GPT: variants seen among roughly 807,000 people sequenced by gnomAD.
The protein encoded by GPT is glutamic--pyruvic transaminase.
Under a neutral mutation model 51.4 loss-of-function variants are expected in GPT, and 60 were observed. The ratio of observed to expected loss-of-function variants is 1.17; its 90% confidence interval spans 0.95 to 1.45. The LOEUF (loss-of-function observed/expected upper bound fraction) is 1.45. Among genes scored for constraint, GPT ranks in the 40% most tolerant of loss-of-function variants. GPT has a pLI of 0.00. For missense variants in GPT, 853 were observed against 704.0 expected (o/e 1.21, Z -2.40); for synonymous variants, 397 against 303.1 (o/e 1.31, Z -3.22).
chr8:144,503,300 A>G (rs1312941626), upstream of GPT, among the ~76,000 whole-genome samples: 1 of 152,148 alleles, frequency 6.6e-6, no homozygotes, highest in Non-Finnish European at 1.5e-5. Flanking sequence ...GGGGTGGGCC[A>G]GCGTGGAGCC....
rs759416969 is a variant in GPT at position 144,505,965 on chromosome 8, C to T, written c.820-30C>T. 4.3e-6 allele frequency: 7 copies of T among 1,612,112 alleles called. No homozygotes were observed. In the South Asian group the frequency reaches 6.6e-5, roughly 15 times the overall value. ...GGGGAGCGGGAAGCCGGGCAACAGT[C>T]CGCCCCCGTGACGCCTTGCGCCCTT... On this transcript the variant is annotated intron_variant, in intron 6 of 10. Transcript: ENST00000394955.
At position 144,504,820 on chromosome 8, in the gene GPT, C is replaced by T. The variant is rs1298583628; in HGVS notation, c.302C>T (p.Pro101Leu). The T allele has an allele frequency of 3.1e-6, 5 of 1,613,620 alleles. No homozygotes were observed. Among genetic ancestry groups the T allele is most frequent in the East Asian group, 2.2e-5 (1 of 44,904 alleles). Reference protein sequence around the residue: ...NPDLLSSPNFPDDAKKRAERI... With the variant: ...NPDLLSSPNFLDDAKKRAERI... ...GATCTTCTGAGCAGCCCCAACTTCC[C>T]TGACGATGCCAAGAAAAGGGCGGAG... The change falls in exon 3 of 11, where the codon CCT becomes CTT. Residue 101 changes from proline (P) to leucine (L), a missense_variant. Physicochemically the swap from Pro to Leu is moderately conservative, Grantham distance 98. Coordinates refer to ENST00000394955, the MANE Select transcript of GPT (RefSeq NM_005309.3).
rs770272781 is a variant in GPT, at chr8:144,505,888, C to T, written c.780C>T (p.Arg260=). The T allele has an allele frequency of 1.3e-6, 2 of 1,584,360 alleles. No individual in the cohort carries two copies. The highest frequency in any genetic ancestry group is 2.3e-5 in the East Asian group (1 of 43,282). ...GCGAGTGCATCGAGGCCGTGATCCG[C>T]TTCGCCTTCGAAGAGCGGCTCTTTC... ...QTRECIEAVI[R]FAFEERLFLL... The change falls in exon 6 of 11, where the codon CGC becomes CGT. Residue 260 remains arginine, a synonymous_variant. Coordinates refer to ENST00000394955, the MANE Select transcript of GPT (RefSeq NM_005309.3).
chr8:144,503,848 C>T, upstream of GPT: 1 of 203,490 alleles, frequency 4.9e-6, no homozygotes. Context: ...CTCTGCCAGC[C>T]CCTCAGGGCT....
chr8:144,504,793 C>T lies in GPT; in HGVS notation c.275C>T (p.Pro92Leu). Residue 92 changes from proline to leucine, a missense_variant, in exon 3 of 11, where the codon CCT becomes CTT. Coordinates refer to ENST00000394955, the MANE Select transcript of GPT (RefSeq NM_005309.3). Reference protein sequence around the residue: ...LRQVLALCVNPDLLSSPNFPD... With the variant: ...LRQVLALCVNLDLLSSPNFPD... ...CAGGTCTTGGCCCTCTGTGTTAACC[C>T]TGATCTTCTGAGCAGCCCCAACTTC... 6.2e-7 allele frequency: 1 copy of T among 1,613,726 alleles called. No individual in the cohort carries two copies. Among genetic ancestry groups the T allele is most frequent in the Non-Finnish European group, 8.5e-7 (1 of 1,180,008 alleles).
upstream of GPT, chr8:144,503,944 A>C: frequency 2.8e-6 from 1 of 351,608 alleles, no homozygotes; most frequent in Non-Finnish European, 5.5e-6. Flanking sequence ...AGCTGTCCGG[A>C]CTGACGTCTG....
Position 144,505,226 on chromosome 8 carries a change from C to A in GPT, c.496-20C>A. 1 of 1,610,620 alleles carries A rather than the reference C, an allele frequency of 6.2e-7. No individual in the cohort carries two copies. Among genetic ancestry groups the A allele is most frequent in the Non-Finnish European group, 8.5e-7 (1 of 1,179,020 alleles). On this transcript the variant is annotated intron_variant, in intron 4 of 10. Coordinates refer to ENST00000394955, the MANE Select transcript of GPT (RefSeq NM_005309.3). ...CGGCCCCAGGCCTCGCCAACCCTGC[C>A]TTCCCCTTCCTTTCCGCAGACGGTG...
rs1398588614 is a variant in GPT, at chr8:144,505,415, A to T, written c.665A>T (p.His222Leu). 6.3e-7 allele frequency: 1 copy of T among 1,597,914 alleles called. No homozygotes were observed. The highest frequency in any genetic ancestry group is 1.3e-5 in the African/African-American group (1 of 74,734). The change falls in exon 5 of 11, where the codon CAC becomes CTC. Residue 222 changes from histidine (H) to leucine (L), a missense_variant. His to Leu is a moderately conservative substitution (Grantham distance 99). Coordinates refer to ENST00000394955, the MANE Select transcript of GPT (RefSeq NM_005309.3). ...TGGGCGCTGGACGTGGCCGAGCTTC[A>T]CCGTGCACTGGGCCAGGCGCGTGAC... ...RAWALDVAEL[H>L]RALGQARDHC...
Position 144,505,125 on chromosome 8 carries a change from C to G in GPT, c.489C>G (p.Ala163=), listed in dbSNP as rs769394527. 24 of 1,612,908 alleles carry G rather than the reference C, an allele frequency of 1.5e-5. No homozygotes were observed. Among genetic ancestry groups the G allele is most frequent in the Non-Finnish European group, 1.7e-5 (20 of 1,180,022 alleles). ...NVFLSTGASD[A]IVTVLKLLVA... is the part of the protein sequence containing the mutation. The stretch of plus-strand genomic sequence containing the variant: ...TCCTGTCCACAGGGGCCAGCGATGC[C>G]ATCGTGGTAGGCTGGGCATGGGCAC... Residue 163 remains alanine (A), a synonymous_variant, in exon 4 of 11, where the codon GCC becomes GCG. Coordinates refer to ENST00000394955, the MANE Select transcript of GPT (RefSeq NM_005309.3).
chr8:144,503,999 A>G, upstream of GPT: 1 of 475,602 alleles, frequency 2.1e-6, no homozygotes. Context: ...TCGTGGGGAC[A>G]CTAGGCAGGC....
At position 144,506,809 on chromosome 8, in the gene GPT, G is replaced by C; in HGVS notation, c.1366G>C (p.Gly456Arg). 1 of 1,612,742 alleles carries C rather than the reference G, an allele frequency of 6.2e-7. No individual in the cohort carries two copies. Residue 456 changes from glycine (G) to arginine (R), a missense_variant, in exon 10 of 11, where the codon GGC becomes CGC. Transcript: ENST00000394955. The surrounding 1 kb of genome is among the most constrained non-coding windows in gnomAD (Gnocchi z 7.0). The stretch of plus-strand genomic sequence containing the variant: ...CGGCATCTGCGTGGTGCCAGGGAGC[G>C]GCTTTGGGCAGCGGGAAGGCACCTA... ...ETGICVVPGSGFGQREGTYHF... is the reference protein window; with the variant it reads ...ETGICVVPGSRFGQREGTYHF...
Position 144,505,869 on chromosome 8 carries a change from G to A in GPT, c.761G>A (p.Cys254Tyr). The A allele has an allele frequency of 6.4e-7, 1 of 1,560,076 alleles. No individual in the cohort carries two copies. Among genetic ancestry groups the A allele is most frequent in the Non-Finnish European group, 8.7e-7 (1 of 1,153,320 alleles). ...CCAGGGCAGGTGCAGACCCGCGAGT[G>A]CATCGAGGCCGTGATCCGCTTCGCC... ...NPTGQVQTRE[C>Y]IEAVIRFAFE... Residue 254 changes from cysteine to tyrosine, a missense_variant, in exon 6 of 11, where the codon TGC becomes TAC. Coordinates refer to ENST00000394955, the MANE Select transcript of GPT (RefSeq NM_005309.3).
rs1826736480 is a variant in GPT at position 144,505,272 on chromosome 8, C to T, written c.522C>T (p.Gly174=). 3.1e-6 allele frequency: 5 copies of T among 1,593,078 alleles called. No individual in the cohort carries two copies. Among genetic ancestry groups the T allele is most frequent in the Admixed American group, 1.8e-5 (1 of 56,664 alleles). The stretch of plus-strand genomic sequence containing the variant: ...CGGTGCTGAAGCTGCTGGTGGCCGG[C>T]GAGGGCCACACACGCACGGGTGTGC... The part of the protein sequence containing the change: ...IVTVLKLLVA[G]EGHTRTGVLI... Residue 174 remains glycine (G), a synonymous_variant, in exon 5 of 11, where the codon GGC becomes GGT. Transcript: ENST00000394955.
Position 144,504,816 on chromosome 8 carries a change from T to A in GPT, c.298T>A (p.Phe100Ile). ...CCCTGATCTTCTGAGCAGCCCCAAC[T>A]TCCCTGACGATGCCAAGAAAAGGGC... is the stretch of plus-strand genomic sequence containing the variant. ...VNPDLLSSPN[F>I]PDDAKKRAER... Residue 100 changes from phenylalanine (F) to isoleucine (I), a missense_variant, in exon 3 of 11, where the codon TTC becomes ATC. By Grantham distance (21) the Phe-to-Ile change is conservative. Coordinates refer to ENST00000394955, the MANE Select transcript of GPT (RefSeq NM_005309.3). 1 of 1,606,614 alleles carries A rather than the reference T, an allele frequency of 6.2e-7. No individual in the cohort carries two copies. The highest frequency in any genetic ancestry group is 8.5e-7 in the Non-Finnish European group (1 of 1,175,818).
Position 144,507,164 on chromosome 8 carries a change from C to CT in GPT, c.*165dup, listed in dbSNP as rs1826857694. On this transcript the variant is annotated 3_prime_UTR_variant, in exon 11 of 11. Coordinates refer to ENST00000394955, the MANE Select transcript of GPT (RefSeq NM_005309.3). ...GTCCCTAATAAAGCTGTGTGGCAGT[C>CT]TGACTCCAGGGAGGAAGCGTTGGCA... 9.0e-6 allele frequency: 6 copies of CT among 667,604 alleles called. No individual in the cohort carries two copies. In the South Asian group the frequency reaches 9.7e-5, roughly 11 times the overall value. The allele number at this position is 667,604 out of a possible 1,614,324, so 41.4% of individuals were successfully genotyped here.
rs762848175 is a variant in GPT at position 144,506,116 on chromosome 8, A to G, written c.941A>G (p.Lys314Arg). Residue 314 changes from lysine (K) to arginine (R), a missense_variant, in exon 7 of 11, where the codon AAG becomes AGG. Lys to Arg is a conservative substitution (Grantham distance 26). Transcript: ENST00000394955. This position sits in a 1 kb window ranked among gnomAD's most constrained non-coding sequence, Gnocchi z 7.0. ...QELASFHSTS[K>R]GYMGECGFRG... ...CTTGCCTCCTTCCACTCCACCTCCA[A>G]GGGCTACATGGGCGAGTGCGTGCGT... The G allele has an allele frequency of 8.7e-6, 14 of 1,612,080 alleles. No homozygotes were observed. The highest frequency in any genetic ancestry group is 1.2e-5 in the Non-Finnish European group (14 of 1,179,608).
rs746826518 is a variant in GPT at position 144,505,382 on chromosome 8, A to G, written c.632A>G (p.Glu211Gly). The G allele has an allele frequency of 3.1e-6, 5 of 1,592,620 alleles. No individual in the cohort carries two copies. The East Asian group carries it at 6.8e-5, about 22-fold the overall frequency. Residue 211 changes from glutamate to glycine, a missense_variant, in exon 5 of 11, where the codon GAG becomes GGG. By Grantham distance (98) the Glu-to-Gly change is moderately conservative. Transcript: ENST00000394955. ...CAGGTGGATTACTACCTGGACGAGG[A>G]GCGTGCCTGGGCGCTGGACGTGGCC... ...AVQVDYYLDE[E>G]RAWALDVAEL... is the part of the protein sequence containing the mutation.
rs545775484 is a variant in GPT, at chr8:144,506,634, C to G, written c.1265C>G (p.Pro422Arg). Residue 422 changes from proline to arginine, a missense_variant, in exon 9 of 11, where the codon CCG (proline) becomes CGG (arginine). Transcript: ENST00000394955. This position sits in a 1 kb window ranked among gnomAD's most constrained non-coding sequence, Gnocchi z 7.0. ...TCCTTCCCGCGCGTGCAGCTGCCCC[C>G]GCGGGCGGTGGAGCGCGCTCAGGTC... ...MYSFPRVQLP[P>R]RAVERAQELG... The G allele has an allele frequency of 2.4e-5, 35 of 1,465,428 alleles. No individual in the cohort carries two copies. The East Asian group carries it at 6.3e-4, about 26-fold the overall frequency. The allele number at this position is 1,465,428 out of a possible 1,614,324, so 90.8% of individuals were successfully genotyped here.
In GPT at chr8:144,506,589, C is replaced by T; in HGVS notation, c.1220C>T (p.Pro407Leu). The change falls in exon 9 of 11, where the codon CCA becomes CTA. Residue 407 changes from proline to leucine, a missense_variant. Physicochemically the swap from Pro to Leu is moderately conservative, Grantham distance 98. Coordinates refer to ENST00000394955, the MANE Select transcript of GPT (RefSeq NM_005309.3). This position sits in a 1 kb window ranked among gnomAD's most constrained non-coding sequence, Gnocchi z 7.0. Reference sequence around the variant, plus strand: ...GAGGCTCCTGGCATCAGCTGCAACCCAGTGCAGGGCGCCATGTACTCCTTC... The same window carrying T: ...GAGGCTCCTGGCATCAGCTGCAACCTAGTGCAGGGCGCCATGTACTCCTTC... ...FNEAPGISCN[P>L]VQGAMYSFPR... is the part of the protein sequence containing the mutation. 1 of 1,570,930 alleles carries T rather than the reference C, an allele frequency of 6.4e-7. No homozygotes were observed.
Sources: allele counts gnomAD v4.1 joint callset (sites outside exome capture counted in the v4.1 genomes callset), GRCh38; gene constraint gnomAD v4.1.1; non-coding constraint Gnocchi (gnomAD v3.1); transcripts MANE v1.5; gene names NCBI Gene and HGNC (gene_info 2026-07-23, HGNC 2026-07-21).